Variants in MADCAM1 observed in about 807,000 individuals in gnomAD.
MADCAM1 encodes mucosal addressin cell adhesion molecule 1.
A neutral mutation model predicts 26.1 loss-of-function variants in MADCAM1; 19 were observed. That is an observed-to-expected ratio of 0.73 (90% CI 0.51 to 1.07). The LOEUF is 1.07. Among genes scored for constraint, MADCAM1 ranks in the 50% least tolerant of loss-of-function variants. The probability of loss-of-function intolerance (pLI) is 0.00; values close to 1 mark genes in which losing one functional copy is unlikely to be tolerated. For missense variants in MADCAM1, 514 were observed against 542.1 expected, an observed-to-expected ratio of 0.95 and a Z score of 0.51; for synonymous variants, 268 against 260.9, an observed-to-expected ratio of 1.03 and a Z score of -0.26.
chr19:502,998 TG>T (rs1177854884), intron 4 of MADCAM1, among the ~76,000 whole-genome samples: 1 of 152,248 alleles, frequency 6.6e-6, no homozygotes, highest in Non-Finnish European at 1.5e-5. Flanking sequence ...AAGACTTCCC[TG>T]GGACTCTCCA....
intron 3 of MADCAM1, among the ~76,000 whole-genome samples, chr19:501,039 A>C (rs1978320412): frequency 6.6e-6 from 1 of 151,898 alleles, no homozygotes; most frequent in African/African-American, 2.4e-5. Context: ...AAATTTAAAA[A>C]TTAGCTGGGC....
chr19:497,751 G>A (rs1166080200), intron 1 of MADCAM1, 82 bp from the exon 2 acceptor site: 15 of 1,119,510 alleles, frequency 1.3e-5, no homozygotes, highest in Non-Finnish European at 1.6e-5. Flanking sequence ...GGCGGGGTCC[G>A]GGGGTGGAGC....
In MADCAM1 at chr19:504,983, CT is replaced by C; in HGVS notation, c.*19del. 1.3e-6 allele frequency: 2 copies of C among 1,559,774 alleles called. No individual in the cohort carries two copies. Among genetic ancestry groups the C allele is most frequent in the Non-Finnish European group, 1.7e-6 (2 of 1,144,808 alleles). On this transcript the variant is annotated 3_prime_UTR_variant, in exon 5 of 5. Coordinates refer to ENST00000215637, the MANE Select transcript of MADCAM1 (RefSeq NM_130760.3). ...CCTCCTGAGTGGCCAGCCTTTCCCC[CT>C]GTGAAAGCAAAATAGCTTGGACCCC...
At chr19:499,222 C>T in intron 3 of MADCAM1, 1 of 479,264 alleles carries the variant, frequency 2.1e-6, no homozygotes. Flanking sequence ...CGTGATCCTG[C>T]CCCGGGGCCT....
chr19:498,402 TG>T (rs1393158932), intron 2 of MADCAM1, 93 bp from the exon 3 acceptor site: 5 of 1,301,522 alleles, frequency 3.8e-6, no homozygotes, highest in Non-Finnish European at 5.0e-6. Flanking sequence ...CACGCATCCT[TG>T]GCCCCAGCTC....
At chr19:501,506 A>T in intron 3 of MADCAM1, 163 bp from the exon 4 acceptor site, 1 of 343,858 alleles carries the variant, frequency 2.9e-6, no homozygotes, top group Non-Finnish European at 4.9e-6. Context: ...AAAAAAAAAA[A>T]AAAAAAAAAA....
chr19:498,213 G>C (rs1172441847), intron 2 of MADCAM1, 96 bp downstream of exon 2: 74 of 1,205,414 alleles, frequency 6.1e-5, no homozygotes, highest in Non-Finnish European at 7.6e-5. Flanking sequence ...ATTGCAGGCA[G>C]GGTCCCAGCT....
At chr19:500,094 G>A (rs938333401) in intron 3 of MADCAM1, 3 of 455,998 alleles carry the variant, frequency 6.6e-6, no homozygotes, top group African/African-American at 2.0e-5. Context: ...TCCCACAGGG[G>A]ATGGAGCAGA....
At chr19:498,234 C>T (rs1978295731) in intron 2 of MADCAM1, 117 bp downstream of exon 2, 5 of 1,101,760 alleles carry the variant, frequency 4.5e-6, no homozygotes, top group East Asian at 3.2e-5. Flanking sequence ...CCATGCACAG[C>T]TCCCCGAAGC....
At chr19:499,199 C>G (rs1424815449) in intron 3 of MADCAM1, 2 of 496,082 alleles carry the variant, frequency 4.0e-6, no homozygotes, top group Non-Finnish European at 3.9e-6. Flanking sequence ...CGCTGTTCCT[C>G]CAACACACCA....
intron 4 of MADCAM1, among the ~76,000 whole-genome samples, chr19:502,597 C>T (rs184805947): frequency 4.1e-4 from 62 of 152,246 alleles, no homozygotes; most frequent in Middle Eastern, 3.4e-3. Context: ...CCACTGCACC[C>T]GGCCCACATA....
Position 498,507 on chromosome 19 carries a change from C to A in MADCAM1, c.349C>A (p.Gln117Lys). Residue 117 changes from glutamine (Q) to lysine (K), a missense_variant, in exon 3 of 5, where the codon CAG (glutamine) becomes AAG (lysine). Coordinates refer to ENST00000215637, the MANE Select transcript of MADCAM1 (RefSeq NM_130760.3). ...VQLLVYAFPD[Q>K]LTVSPAALVP... is the part of the protein sequence containing the mutation. ...ACCCTCCATCACAGCCTTCCCGGAC[C>A]AGCTGACCGTCTCCCCAGCAGCCCT... 6.8e-7 allele frequency: 1 copy of A among 1,465,708 alleles called. No homozygotes were observed. The highest frequency in any genetic ancestry group is 9.0e-7 in the Non-Finnish European group (1 of 1,113,616). 90.8% of individuals were successfully genotyped at this position (1,465,708 alleles called of 1,614,324 possible). A position where few individuals can be genotyped will look rare whatever the true frequency, so the allele number is the denominator to read the frequency against.
At position 498,110 on chromosome 19, in the gene MADCAM1, T is replaced by C; in HGVS notation, c.330T>C (p.Leu110=). 7.5e-7 allele frequency: 1 copy of C among 1,339,522 alleles called. No individual in the cohort carries two copies. Among genetic ancestry groups the C allele is most frequent in the Non-Finnish European group, 9.6e-7 (1 of 1,045,460 alleles). The allele number at this position is 1,339,522 out of a possible 1,614,324, so 83.0% of individuals were successfully genotyped here. A position where few individuals can be genotyped will look rare whatever the true frequency, so the allele number is the denominator to read the frequency against. ...GRTFQHTVQL[L]VYAFPDQLTV... ...CCTTCCAGCACACCGTGCAGCTCCT[T>C]GTGTACGGTGAGGCGTCCCCCCGCG... is the stretch of plus-strand genomic sequence containing the variant. Residue 110 remains leucine (L), a synonymous_variant, in exon 2 of 5, where the codon CTT becomes CTC. Coordinates refer to ENST00000215637, the MANE Select transcript of MADCAM1 (RefSeq NM_130760.3).
chr19:503,393 A>C (rs552770211), intron 4 of MADCAM1, among the ~76,000 whole-genome samples: 25 of 151,134 alleles, frequency 1.7e-4, no homozygotes, highest in African/African-American at 2.4e-4. Context: ...CATCCTGGCT[A>C]ACACGGTGAA....
chr19:499,865 A>G lies in MADCAM1; in HGVS notation c.667+1040A>G, dbSNP rs1480678015. The G allele has an allele frequency of 1.3e-5, 6 of 456,260 alleles. No individual in the cohort carries two copies. The Admixed American group carries it at 1.4e-4, about 11-fold the overall frequency. 28.3% of individuals were successfully genotyped at this position (456,260 alleles called of 1,614,324 possible). ...AGCCCCTGCCGGCTTCTCCCACTAAAGAAAAAGGGATTTGTCCTCCCATGG... is the reference window on the plus strand; with the variant it reads ...AGCCCCTGCCGGCTTCTCCCACTAAGGAAAAAGGGATTTGTCCTCCCATGG... On this transcript the variant is annotated intron_variant, in intron 3 of 4. Coordinates refer to ENST00000215637, the MANE Select transcript of MADCAM1 (RefSeq NM_130760.3).
chr19:504,231 G>A (rs190511570), intron 4 of MADCAM1, among the ~76,000 whole-genome samples: 66 of 149,452 alleles, frequency 4.4e-4, no homozygotes, highest in African/African-American at 1.5e-3. Context: ...TCATGGTGGT[G>A]AGCCGTCCTC....
In MADCAM1 at chr19:505,090, G is replaced by T. The variant is rs1600394005; in HGVS notation, c.*125G>T. On this transcript the variant is annotated 3_prime_UTR_variant, in exon 5 of 5. Transcript: ENST00000215637. Reference sequence around the variant, plus strand: ...CCTCTGTTCACAGAGATGGATGCATGTTCTGATTGCCTCTTTGGAGAAGCT... The same window carrying T: ...CCTCTGTTCACAGAGATGGATGCATTTTCTGATTGCCTCTTTGGAGAAGCT... 18 of 660,974 alleles carry T rather than the reference G, an allele frequency of 2.7e-5. No homozygotes were observed. In the South Asian group the frequency reaches 3.3e-4, roughly 12 times the overall value. The allele number at this position is 660,974 out of a possible 1,614,324, so 40.9% of individuals were successfully genotyped here.
intron 4 of MADCAM1, among the ~76,000 whole-genome samples, chr19:504,504 C>T (rs1231695918): frequency 1.3e-5 from 2 of 152,142 alleles, no homozygotes; most frequent in Non-Finnish European, 2.9e-5. Flanking sequence ...GTGATCCACC[C>T]GCTTTGGCCT....
At chr19:502,043 C>T (rs1978374313) in intron 4 of MADCAM1, 114 bp downstream of exon 4, 1 of 1,165,382 alleles carries the variant, frequency 8.6e-7, no homozygotes, top group Non-Finnish European at 1.1e-6. Flanking sequence ...TCCCCGTCTG[C>T]CCAGCCTCAG....
Sources: allele counts gnomAD v4.1 joint callset (sites outside exome capture counted in the v4.1 genomes callset), GRCh38; gene constraint gnomAD v4.1.1; transcripts MANE v1.5; gene names NCBI Gene and HGNC (gene_info 2026-07-23, HGNC 2026-07-21).